Variants in LAMTOR4 observed in about 807,000 individuals in gnomAD.
LAMTOR4 encodes ragulator complex protein LAMTOR4.
LAMTOR4 carries 11 observed loss-of-function variants against 13.5 expected under a neutral mutation model. The ratio of observed to expected loss-of-function variants is 0.82; its 90% CI spans 0.51 to 1.35. The LOEUF (loss-of-function observed/expected upper bound fraction) is 1.35. LAMTOR4 is among the 40% of genes most tolerant of loss of function. LAMTOR4 has a pLI of 0.00. For missense variants in LAMTOR4, 128 were observed against 126.2 expected, an observed-to-expected ratio of 1.01 and a Z score of -0.07; for synonymous variants, 69 against 52.3, an observed-to-expected ratio of 1.32 and a Z score of -1.38.
chr7:100,150,173 C>T (rs891556568), intron 2 of LAMTOR4, among the ~76,000 whole-genome samples: 2 of 152,124 alleles, frequency 1.3e-5, no homozygotes, highest in Admixed American at 6.5e-5. Context: ...CCACGTCTGG[C>T]CTTTATTTGG....
At position 100,149,545 on chromosome 7, in the gene LAMTOR4, G is replaced by C. The variant is rs1261882883; in HGVS notation, c.50G>C (p.Gly17Ala). 1.2e-6 allele frequency: 2 copies of C among 1,613,908 alleles called. No homozygotes were observed. The highest frequency in any genetic ancestry group is 1.6e-4 in the Middle Eastern group (1 of 6,084). Residue 17 changes from glycine (G) to alanine (A), a missense_variant, in exon 2 of 4, where the codon GGC (glycine) becomes GCC (alanine). Coordinates refer to ENST00000341942, the MANE Select transcript of LAMTOR4 (RefSeq NM_001008395.4). ...QGLERIPDQL[G>A]YLVLSEGAVL... ...CTGGAGCGAATCCCAGACCAGCTCG[G>C]CTACCTGGTACTGAGTGAAGGTGCA...
At chr7:100,153,106 T>A (rs541438340) in intron 2 of LAMTOR4, among the ~76,000 whole-genome samples, 1 of 150,288 alleles carries the variant, frequency 6.7e-6, no homozygotes, top group South Asian at 2.1e-4. Context: ...ATTGCACCAC[T>A]GCACTACAGC....
In LAMTOR4 at chr7:100,154,152, C is replaced by T. The variant is rs980545574; in HGVS notation, c.*188C>T. Reference sequence around the variant, plus strand: ...GTTAAGGAGAACAAGGGCAAGGAGACCTCCCTTTGTGCTCCCTCACTCCCT... The same window carrying T: ...GTTAAGGAGAACAAGGGCAAGGAGATCTCCCTTTGTGCTCCCTCACTCCCT... On this transcript the variant is annotated 3_prime_UTR_variant, in exon 4 of 4. Coordinates refer to ENST00000341942, the MANE Select transcript of LAMTOR4 (RefSeq NM_001008395.4). 14 of 580,866 alleles carry T rather than the reference C, an allele frequency of 2.4e-5. No individual in the cohort carries two copies. The African/African-American group carries it at 2.4e-4, about 10-fold the overall frequency. 36.0% of individuals were successfully genotyped at this position (580,866 alleles called of 1,614,324 possible).
chr7:100,153,575 G>A (rs768047458), intron 3 of LAMTOR4, 58 bp downstream of exon 3: 1 of 1,390,082 alleles, frequency 7.2e-7, no homozygotes, highest in South Asian at 1.2e-5. Context: ...TACTTCCAGG[G>A]GCTTCTCGGC....
chr7:100,153,961 C>T lies in LAMTOR4; in HGVS notation c.297C>T (p.Val99=), dbSNP rs113315077. Residue 99 remains valine (V), a synonymous_variant, in exon 4 of 4, where the codon GTC becomes GTT. Coordinates refer to ENST00000341942, the MANE Select transcript of LAMTOR4 (RefSeq NM_001008395.4). ...RQNRGREPID[V] ...ACCGAGGTCGGGAGCCCATTGATGT[C>T]TGAGCCTGCCGGAGGGCGAGGGTCG... 12 of 1,581,084 alleles carry T rather than the reference C, an allele frequency of 7.6e-6. No individual in the cohort carries two copies. The highest frequency in any genetic ancestry group is 5.8e-5 in the South Asian group (5 of 86,280).
chr7:100,148,988 G>C lies in LAMTOR4; in HGVS notation c.3+13G>C, dbSNP rs780363193. ...GAAGACTGCGATGGTGAGTGAGGAC[G>C]CATGCGCGAGAGGACCCGCCGGGGG... On this transcript the variant is annotated intron_variant, in intron 1 of 3. Coordinates refer to ENST00000341942, the MANE Select transcript of LAMTOR4 (RefSeq NM_001008395.4). 2 of 1,609,256 alleles carry C rather than the reference G, an allele frequency of 1.2e-6. No individual in the cohort carries two copies. Among genetic ancestry groups the C allele is most frequent in the Non-Finnish European group, 1.7e-6 (2 of 1,178,838 alleles).
chr7:100,150,714 G>A (rs976722935), intron 2 of LAMTOR4, among the ~76,000 whole-genome samples: 1 of 152,090 alleles, frequency 6.6e-6, no homozygotes, highest in African/African-American at 2.4e-5. Flanking sequence ...GGCTGGGCGT[G>A]GTGGTTCATG....
Position 100,154,108 on chromosome 7 carries a change from C to T in LAMTOR4, c.*144C>T. On this transcript the variant is annotated 3_prime_UTR_variant, in exon 4 of 4. Transcript: ENST00000341942. ...CCACCCCTACCTGGACGGGCCCAGG[C>T]TTGGGGACTCTGAGCTGTGTTAAGG... The T allele has an allele frequency of 1.5e-6, 1 of 659,150 alleles. No individual in the cohort carries two copies. Among genetic ancestry groups the T allele is most frequent in the South Asian group, 1.7e-5 (1 of 57,576 alleles). The allele number at this position is 659,150 out of a possible 1,614,324, so 40.8% of individuals were successfully genotyped here.
rs184374150 is a variant in LAMTOR4, at chr7:100,151,534, G to A, written c.85-1866G>A. The stretch of plus-strand genomic sequence containing the variant: ...CTCCCTAGTAGCTGGGACTACAGGC[G>A]CCCGCCACCATGCCCGGCTACTTTT... On this transcript the variant is annotated intron_variant, in intron 2 of 3. Transcript: ENST00000341942. Among the ~76,000 whole-genome samples the A allele has an allele frequency of 1.0e-3, 156 of 151,446 alleles. 1 individual carries two copies. Among genetic ancestry groups the A allele is most frequent in the African/African-American group, 3.5e-3 (144 of 41,218 alleles).
At chr7:100,149,051 CT>C (rs986484505) in intron 1 of LAMTOR4, 76 bp downstream of exon 1, 4 of 1,546,684 alleles carry the variant, frequency 2.6e-6, no homozygotes, top group African/African-American at 2.7e-5. Flanking sequence ...TGGTTTCCCC[CT>C]GGTGGGCCTG....
At position 100,148,933 on chromosome 7, in the gene LAMTOR4, A is replaced by T; in HGVS notation, c.-40A>T. 2 of 1,611,438 alleles carry T rather than the reference A, an allele frequency of 1.2e-6. No individual in the cohort carries two copies. The highest frequency in any genetic ancestry group is 1.7e-6 in the Non-Finnish European group (2 of 1,179,516). On this transcript the variant is annotated 5_prime_UTR_variant, in exon 1 of 4. Coordinates refer to ENST00000341942, the MANE Select transcript of LAMTOR4 (RefSeq NM_001008395.4). The stretch of plus-strand genomic sequence containing the variant: ...TGACCGGGGCCTGAAGCCGGAAGCT[A>T]CCTATCTGGTAGGGAGCTCCCCCAG...
intron 2 of LAMTOR4, among the ~76,000 whole-genome samples, chr7:100,150,809 C>T (rs995007264): frequency 6.6e-6 from 1 of 151,962 alleles, no homozygotes; most frequent in African/African-American, 2.4e-5. Context: ...CACGGTGAAA[C>T]CCCGTCTGTA....
At chr7:100,151,641 G>GCCT (rs1397207487) in intron 2 of LAMTOR4, among the ~76,000 whole-genome samples, 1 of 148,988 alleles carries the variant, frequency 6.7e-6, no homozygotes, top group Admixed American at 6.7e-5. Flanking sequence ...GCCTACCTCG[G>GCCT]CCTCCCAAAG....
rs1164728101 is a variant in LAMTOR4, at chr7:100,152,433, AAAG to A, written c.85-963_85-961del. On this transcript the variant is annotated intron_variant, in intron 2 of 3. Transcript: ENST00000341942. The stretch of plus-strand genomic sequence containing the variant: ...CAAACAAACAAACAGGAAATCAAAA[AAAG>A]AAGTGGATTGGGAAGGAGGTGGATA... Among the ~76,000 whole-genome samples the A allele has an allele frequency of 1.4e-4, 22 of 152,290 alleles. No individual in the cohort carries two copies. In the South Asian group the frequency reaches 4.1e-3, roughly 29 times the overall value.
chr7:100,149,161 T>C, intron 1 of LAMTOR4, 186 bp downstream of exon 1: 4 of 741,564 alleles, frequency 5.4e-6, no homozygotes, highest in Non-Finnish European at 8.6e-6. Context: ...GGGAGGGTGT[T>C]CTGGGGCTGC....
rs185978679 is a variant in LAMTOR4, at chr7:100,154,036, C to T, written c.*72C>T. On this transcript the variant is annotated 3_prime_UTR_variant, in exon 4 of 4. Transcript: ENST00000341942. The stretch of plus-strand genomic sequence containing the variant: ...TCTGTGATGAGGCAGGCACACCTGT[C>T]GGTCTTGGCTTGCTGCTAGAACTAG... 286 of 1,191,848 alleles carry T rather than the reference C, an allele frequency of 2.4e-4. 2 individuals are homozygous for T. The Admixed American group carries it at 4.9e-3, about 20-fold the overall frequency. 73.8% of individuals were successfully genotyped at this position (1,191,848 alleles called of 1,614,324 possible).
intron 3 of LAMTOR4, 34 bp downstream of exon 3, chr7:100,153,551 TG>T: frequency 6.4e-7 from 1 of 1,559,460 alleles, no homozygotes. Context: ...GTGGTGGTAC[TG>T]GGAGCGGGGG....
At chr7:100,153,688 G>C in intron 3 of LAMTOR4, 171 bp downstream of exon 3, 1 of 757,852 alleles carries the variant, frequency 1.3e-6, no homozygotes, top group Non-Finnish European at 2.3e-6. Context: ...GAAGGCAAGA[G>C]AAAGGAGATC....
chr7:100,150,198 G>A (rs1798659185), intron 2 of LAMTOR4, among the ~76,000 whole-genome samples: 1 of 152,168 alleles, frequency 6.6e-6, no homozygotes, highest in South Asian at 2.1e-4. Flanking sequence ...TCTTAAAGAG[G>A]CATTTGTATT....
Sources: allele counts gnomAD v4.1 joint callset (sites outside exome capture counted in the v4.1 genomes callset), GRCh38; gene constraint gnomAD v4.1.1; transcripts MANE v1.5; gene names NCBI Gene and HGNC (gene_info 2026-07-23, HGNC 2026-07-21).